Variants in RANBP17 observed in about 807,000 individuals in gnomAD.
RANBP17 encodes RAN binding protein 17.
In RANBP17, 158 loss-of-function variants were observed where a neutral mutation model predicts 141.2. The ratio of observed to expected loss-of-function variants is 1.12; its 90% confidence interval spans 0.98 to 1.28. The LOEUF (loss-of-function observed/expected upper bound fraction) is 1.28, where lower values mean the gene tolerates loss of function less well. Ranked by LOEUF, RANBP17 falls within the 50% of genes most tolerant of loss-of-function variation. RANBP17 has a pLI of 0.00. For missense variants in RANBP17, 1,438 were observed against 1,290.7 expected (o/e 1.11, Z -1.75); for synonymous variants, 430 against 450.0 (o/e 0.96, Z 0.56).
chr5:171,193,237 T>C (rs1310553418), intron 18 of RANBP17, among the ~76,000 whole-genome samples: 1 of 152,230 alleles, frequency 6.6e-6, no homozygotes, highest in Non-Finnish European at 1.5e-5. Context: ...TAAAACATTC[T>C]AATTGCATCC....
chr5:171,277,806 C>T (rs2128033478), intron 25 of RANBP17, among the ~76,000 whole-genome samples: 1 of 150,172 alleles, frequency 6.7e-6, no homozygotes, highest in East Asian at 2.0e-4. Flanking sequence ...CTCTTAACCA[C>T]TGTACAGTAC....
At chr5:171,213,869 A>T in intron 21 of RANBP17, 131 bp downstream of exon 21, 2 of 707,476 alleles carry the variant, frequency 2.8e-6, no homozygotes, top group South Asian at 3.4e-5. Flanking sequence ...ACTTAAGATG[A>T]TTAGTGAAAA....
intron 16 of RANBP17, among the ~76,000 whole-genome samples, chr5:171,175,371 G>C (rs1760378812): frequency 6.6e-6 from 1 of 152,046 alleles, no homozygotes; most frequent in Non-Finnish European, 1.5e-5. Context: ...TTGAGGAATT[G>C]CCACAGTGGT....
At chr5:171,274,415 T>C (rs1435721279) in intron 25 of RANBP17, among the ~76,000 whole-genome samples, 1 of 152,178 alleles carries the variant, frequency 6.6e-6, no homozygotes, top group East Asian at 1.9e-4. Context: ...CTTATCTATC[T>C]TTTCAAGAAT....
intron 21 of RANBP17, among the ~76,000 whole-genome samples, chr5:171,214,342 TGG>T (rs1763087281): frequency 6.6e-6 from 1 of 152,198 alleles, no homozygotes; most frequent in African/African-American, 2.4e-5. Context: ...TTGCATAGAC[TGG>T]CAGAAATTCA....
chr5:171,234,806 A>T (rs1764434203), intron 22 of RANBP17, among the ~76,000 whole-genome samples: 1 of 152,186 alleles, frequency 6.6e-6, no homozygotes, highest in South Asian at 2.1e-4. Flanking sequence ...ATTAATACCC[A>T]AGTAGAGATG....
At chr5:171,290,954 T>C (rs551561227) in intron 25 of RANBP17, among the ~76,000 whole-genome samples, 21 of 152,348 alleles carry the variant, frequency 1.4e-4, no homozygotes, top group Non-Finnish European at 2.4e-4. Flanking sequence ...GAAGTAGCTG[T>C]TATTGTCCTC....
At chr5:171,082,426 A>G (rs1785314095) in intron 14 of RANBP17, among the ~76,000 whole-genome samples, 1 of 152,180 alleles carries the variant, frequency 6.6e-6, no homozygotes, top group South Asian at 2.1e-4. Flanking sequence ...AAACATTTCA[A>G]CTTGTGATGA....
intron 13 of RANBP17, among the ~76,000 whole-genome samples, chr5:170,961,218 G>T (rs1181540711): frequency 6.6e-6 from 1 of 152,100 alleles, no homozygotes; most frequent in African/African-American, 2.4e-5. Context: ...AGAGGACTGG[G>T]GATATATAGG....
intron 14 of RANBP17, among the ~76,000 whole-genome samples, chr5:171,014,369 T>C (rs772389284): frequency 6.6e-6 from 1 of 152,016 alleles, no homozygotes; most frequent in Non-Finnish European, 1.5e-5. Context: ...TTTCCCTTTT[T>C]ATCTGTTTTA....
In RANBP17 at chr5:171,082,264, C is replaced by T. The variant is rs114839447; in HGVS notation, c.1711-87866C>T. On this transcript the variant is annotated intron_variant, in intron 14 of 27. Coordinates refer to ENST00000523189, the MANE Select transcript of RANBP17 (RefSeq NM_022897.5). ...TATGTGGCATTGTGACTCCAGGCAC[C>T]TTCAGGTGTCAGTAAAGGAATGATG... 3.1e-3 allele frequency among the ~76,000 whole-genome samples: 465 copies of T among 152,192 alleles called. 2 individuals are homozygous for T. The highest frequency in any genetic ancestry group is 5.0e-3 in the Non-Finnish European group (342 of 67,990).
intron 14 of RANBP17, among the ~76,000 whole-genome samples, chr5:171,011,915 A>G (rs895720685): frequency 2.5e-4 from 38 of 151,658 alleles, no homozygotes; most frequent in Admixed American, 2.3e-3. Context: ...GCTACCTTTT[A>G]TGTTTTTTCA....
rs538636138 is a variant in RANBP17 at position 170,917,482 on chromosome 5, G to T, written c.954+898G>T. Among the ~76,000 whole-genome samples, 6 of 148,972 alleles carry T rather than the reference G, an allele frequency of 4.0e-5. No homozygotes were observed. In the South Asian group the frequency reaches 1.2e-3, roughly 31 times the overall value. Reference sequence around the variant, plus strand: ...TGGTTTAAAATATCTGTAAAATACAGATTTTTAAAGGTTAAATGATTTAAG... The same window carrying T: ...TGGTTTAAAATATCTGTAAAATACATATTTTTAAAGGTTAAATGATTTAAG... On this transcript the variant is annotated intron_variant, in intron 9 of 27. Transcript: ENST00000523189.
At chr5:171,244,444 T>TTTTA (rs781364094) in intron 24 of RANBP17, among the ~76,000 whole-genome samples, 48 of 152,156 alleles carry the variant, frequency 3.2e-4, no homozygotes, top group African/African-American at 1.1e-3. Context: ...TAGAATTATT[T>TTTTA]TTTATTTATT....
intron 25 of RANBP17, among the ~76,000 whole-genome samples, chr5:171,267,553 A>G (rs925945610): frequency 6.6e-6 from 1 of 152,152 alleles, no homozygotes; most frequent in African/African-American, 2.4e-5. Flanking sequence ...CACGCCTGTA[A>G]TCTCAGCACC....
intron 14 of RANBP17, among the ~76,000 whole-genome samples, chr5:171,137,598 G>GTGTA (rs1347219777): frequency 7.0e-6 from 1 of 143,484 alleles, no homozygotes; most frequent in Non-Finnish European, 1.5e-5. Context: ...GTGTGTGTGT[G>GTGTA]TGTGTGTCTG....
intron 13 of RANBP17, among the ~76,000 whole-genome samples, chr5:170,959,687 A>G (rs1047206663): frequency 1.3e-5 from 2 of 152,190 alleles, no homozygotes; most frequent in African/African-American, 4.8e-5. Flanking sequence ...ATTAAAACAT[A>G]TTTTGTATGT....
intron 14 of RANBP17, among the ~76,000 whole-genome samples, chr5:171,031,376 CTA>C (rs1247924426): frequency 6.6e-6 from 1 of 151,892 alleles, no homozygotes; most frequent in African/African-American, 2.4e-5. Context: ...TCGGACTATT[CTA>C]TGTGTTGTTG....
intron 18 of RANBP17, among the ~76,000 whole-genome samples, chr5:171,189,814 A>T (rs1416478222): frequency 6.6e-6 from 1 of 152,216 alleles, no homozygotes; most frequent in East Asian, 1.9e-4. Context: ...TGACTGGAAC[A>T]TGGCTGTCAG....
Sources: gnomAD v4.1 joint callset for allele counts (sites outside exome capture counted in the v4.1 genomes callset) on GRCh38, gnomAD v4.1.1 for gene constraint, MANE v1.5 for transcripts, NCBI Gene and HGNC (gene_info 2026-07-23, HGNC 2026-07-21) for gene names.